Variants in FBXO15 observed in about 807,000 individuals in gnomAD.
FBXO15 encodes F-box only protein 15.
A neutral mutation model predicts 49.5 loss-of-function variants in FBXO15; 30 were observed. The observed-to-expected ratio is 0.61, with a 90% CI of 0.45 to 0.82. The LOEUF (loss-of-function observed/expected upper bound fraction) is 0.82, where lower values mean the gene tolerates loss of function less well. Ranked by LOEUF, FBXO15 falls within the 40% of genes least tolerant of loss-of-function variation. FBXO15 has a pLI of 0.00. For missense variants in FBXO15, 591 were observed against 631.5 expected (o/e 0.94, Z 0.69); for synonymous variants, 250 against 232.7 (o/e 1.07, Z -0.68).
chr18:74,138,822 C>T (rs1978885115), intron 2 of FBXO15, among the ~76,000 whole-genome samples: 1 of 152,190 alleles, frequency 6.6e-6, no homozygotes, highest in Non-Finnish European at 1.5e-5. Context: ...TTGCCTGTTT[C>T]CCCCTCACAC....
At position 74,075,367 on chromosome 18, in the gene FBXO15, C is replaced by G. The variant is rs1255163532; in HGVS notation, c.1264-1637G>C. On this transcript the variant is annotated intron_variant, in intron 9 of 9. Coordinates refer to ENST00000419743, the MANE Select transcript of FBXO15 (RefSeq NM_001142958.2). This position sits in a 1 kb window ranked among gnomAD's most constrained non-coding sequence, Gnocchi z 4.1. Reference sequence around the variant, plus strand: ...CTCCCGGGTGTGGCCCAGTAACCTCCTGCTGCAGCGTAGCCCATCTTGCAA... The same window carrying G: ...CTCCCGGGTGTGGCCCAGTAACCTCGTGCTGCAGCGTAGCCCATCTTGCAA... 6.6e-6 allele frequency among the ~76,000 whole-genome samples: 1 copy of G among 152,224 alleles called. No homozygotes were observed. The highest frequency in any genetic ancestry group is 1.5e-5 in the Non-Finnish European group (1 of 68,048).
intron 9 of FBXO15, among the ~76,000 whole-genome samples, chr18:74,080,115 G>A (rs1912428798): frequency 6.6e-6 from 1 of 151,924 alleles, no homozygotes; most frequent in African/African-American, 2.4e-5. Flanking sequence ...CTAAGCTTAT[G>A]TCCATGCTTT....
intron 2 of FBXO15, among the ~76,000 whole-genome samples, chr18:74,136,090 G>A (rs1978705064): frequency 1.3e-5 from 2 of 152,186 alleles, no homozygotes; most frequent in Non-Finnish European, 1.5e-5. Flanking sequence ...GCCAAGGGTT[G>A]GAAGAGCTAA....
In FBXO15 at chr18:74,131,392, T is replaced by C. The variant is rs112230349; in HGVS notation, c.333-734A>G. Among the ~76,000 whole-genome samples, 90 of 152,202 alleles carry C rather than the reference T, an allele frequency of 5.9e-4. 1 individual carries two copies. The highest frequency in any genetic ancestry group is 2.1e-3 in the African/African-American group (89 of 41,516). Reference sequence around the variant, plus strand: ...CAGGTCTGTGCACTCAAGTGTATAGTGAAGCTGGGATCGGAACCAGAGCTC... The same window carrying C: ...CAGGTCTGTGCACTCAAGTGTATAGCGAAGCTGGGATCGGAACCAGAGCTC... On this transcript the variant is annotated intron_variant, in intron 3 of 9. Transcript: ENST00000419743.
chr18:74,137,885 C>T (rs935002639), intron 2 of FBXO15, among the ~76,000 whole-genome samples: 2 of 152,194 alleles, frequency 1.3e-5, no homozygotes, highest in Non-Finnish European at 2.9e-5. Context: ...AATGTGAACA[C>T]GTCCTTGTCC....
intron 2 of FBXO15, 78 bp from the exon 3 acceptor site, chr18:74,135,944 G>T: frequency 8.5e-7 from 1 of 1,171,650 alleles, no homozygotes; most frequent in South Asian, 1.4e-5. Context: ...GAAAACAACT[G>T]GCTGCTCATC....
chr18:74,111,263 A>G (rs1442907847), intron 8 of FBXO15, among the ~76,000 whole-genome samples: 2 of 86,494 alleles, frequency 2.3e-5, no homozygotes, highest in African/African-American at 9.2e-5. Flanking sequence ...CTCTGTCTCA[A>G]AAAAAAAAAA....
intron 5 of FBXO15, among the ~76,000 whole-genome samples, chr18:74,126,406 A>G (rs1412757689): frequency 1.3e-5 from 2 of 152,218 alleles, no homozygotes; most frequent in African/African-American, 4.8e-5. Flanking sequence ...CTCCTGTTCT[A>G]TTCCCTCCAA....
rs561235231 is a variant in FBXO15 at position 74,082,067 on chromosome 18, A to G, written c.1139-16T>C. 341 of 1,607,400 alleles carry G rather than the reference A, an allele frequency of 2.1e-4. 1 individual carries two copies. The highest frequency in any genetic ancestry group is 2.8e-4 in the Non-Finnish European group (332 of 1,177,610). Reference sequence around the variant, plus strand: ...TCAATATTTCCTGAAAAGATATAAGATTGTTTCAATCACTGTCTTCCAGTG... The same window carrying G: ...TCAATATTTCCTGAAAAGATATAAGGTTGTTTCAATCACTGTCTTCCAGTG... On this transcript the variant is annotated splice_polypyrimidine_tract_variant and intron_variant, in intron 8 of 9. Transcript: ENST00000419743.
chr18:74,100,117 C>A (rs975252437), intron 8 of FBXO15: 1 of 152,122 alleles, frequency 6.6e-6, no homozygotes. Flanking sequence ...AATATACATT[C>A]TATTCATCAG....
At chr18:74,102,091 C>CA (rs1301882372) in intron 8 of FBXO15, among the ~76,000 whole-genome samples, 1 of 151,964 alleles carries the variant, frequency 6.6e-6, no homozygotes, top group East Asian at 1.9e-4. Context: ...AAAGGAAATG[C>CA]AATAAAAATA....
chr18:74,113,123 A>C (rs1267923079), intron 8 of FBXO15, among the ~76,000 whole-genome samples: 2 of 152,258 alleles, frequency 1.3e-5, no homozygotes, highest in Non-Finnish European at 2.9e-5. Flanking sequence ...CACTAAAAGG[A>C]AATTAACTAT....
At chr18:74,133,472 G>A (rs1489627294) in intron 3 of FBXO15, among the ~76,000 whole-genome samples, 1 of 152,110 alleles carries the variant, frequency 6.6e-6, no homozygotes, top group African/African-American at 2.4e-5. Context: ...TAAATAAAGT[G>A]GGAACCCTCC....
intron 8 of FBXO15, among the ~76,000 whole-genome samples, chr18:74,109,324 A>G (rs1189180087): frequency 2.0e-5 from 3 of 152,202 alleles, no homozygotes; most frequent in Non-Finnish European, 4.4e-5. Context: ...AAAAGCCAGG[A>G]AACAACAGAT....
intron 8 of FBXO15, among the ~76,000 whole-genome samples, chr18:74,090,530 T>C (rs1047642222): frequency 1.3e-5 from 2 of 152,182 alleles, no homozygotes; most frequent in African/African-American, 2.4e-5. Flanking sequence ...AACTTTTCGA[T>C]GTGGGTGTTT....
intron 1 of FBXO15, among the ~76,000 whole-genome samples, chr18:74,143,495 T>C (rs935978054): frequency 6.6e-6 from 1 of 152,192 alleles, no homozygotes; most frequent in African/African-American, 2.4e-5. Context: ...GAATCCAGGA[T>C]CCTTAAAAAG....
At chr18:74,135,699 T>C in intron 3 of FBXO15, 63 bp downstream of exon 3, 1 of 1,258,562 alleles carries the variant, frequency 7.9e-7, no homozygotes, top group Non-Finnish European at 1.1e-6. Context: ...AAAAAGTTAC[T>C]AGTTTTCCTG....
Position 74,140,414 on chromosome 18 carries a change from T to C in FBXO15, c.117-102A>G, listed in dbSNP as rs1978995963. 1.3e-5 allele frequency: 13 copies of C among 1,019,166 alleles called. No individual in the cohort carries two copies. The South Asian group carries it at 2.9e-4, about 23-fold the overall frequency. The allele number at this position is 1,019,166 out of a possible 1,614,324, so 63.1% of individuals were successfully genotyped here. A position where few individuals can be genotyped will look rare whatever the true frequency, so the allele number is the denominator to read the frequency against. ...CAAAGGATTCATAAACTCCAAAGAT[T>C]ACTCACTGAAAAACTTAATTTCTGC... On this transcript the variant is annotated intron_variant, in intron 1 of 9. Coordinates refer to ENST00000419743, the MANE Select transcript of FBXO15 (RefSeq NM_001142958.2).
chr18:74,124,312 T>C (rs1176710642), intron 7 of FBXO15, among the ~76,000 whole-genome samples, 177 bp downstream of exon 7: 3 of 152,216 alleles, frequency 2.0e-5, no homozygotes, highest in Admixed American at 6.5e-5. Context: ...AAAGCAAATA[T>C]GTACTCGTGA....
Sources: allele counts gnomAD v4.1 joint callset (sites outside exome capture counted in the v4.1 genomes callset), GRCh38; gene constraint gnomAD v4.1.1; non-coding constraint Gnocchi (gnomAD v3.1); transcripts MANE v1.5; gene names NCBI Gene and HGNC (gene_info 2026-07-23, HGNC 2026-07-21).